The following TCN1 variants were observed in gnomAD, a reference collection of about 807,000 sequenced individuals.
TCN1 encodes the protein transcobalamin-1.
Under a neutral mutation model 46.3 loss-of-function variants are expected in TCN1, and 47 were observed. That is an observed-to-expected ratio of 1.01 (90% CI 0.80 to 1.29). The LOEUF is 1.29. Among genes scored for constraint, TCN1 ranks in the 50% most tolerant of loss-of-function variants. The pLI, the probability that TCN1 is intolerant of heterozygous loss-of-function variation, is 0.00. For missense variants in TCN1, 532 were observed against 511.0 expected, an observed-to-expected ratio of 1.04 and a Z score of -0.40; for synonymous variants, 183 against 192.5, an observed-to-expected ratio of 0.95 and a Z score of 0.41.
At chr11:59,863,883 C>A (rs369803818) in intron 2 of TCN1, 24 bp downstream of exon 2, 1 of 1,612,888 alleles carries the variant, frequency 6.2e-7, no homozygotes, top group Non-Finnish European at 8.5e-7. Flanking sequence ...TTTTCTAAAT[C>A]TTCCAGAATA....
In TCN1 at chr11:59,861,616, A is replaced by G; in HGVS notation, c.467T>C (p.Leu156Pro). ...GGCGGTTGAGTAGTTCCCATTGAAC[A>G]GACACAAGGCCAAAACGTCCAGGCT... is the stretch of plus-strand genomic sequence containing the variant. ...QLSLDVLALC[L>P]FNGNYSTAEV... The change falls in exon 4 of 9, where the codon CTG becomes CCG. Residue 156 changes from leucine (L) to proline (P), a missense_variant. Leu to Pro is a moderately conservative substitution (Grantham distance 98). Transcript: ENST00000257264. 7 of 1,614,182 alleles carry G rather than the reference A, an allele frequency of 4.3e-6. No homozygotes were observed. The highest frequency in any genetic ancestry group is 5.9e-6 in the Non-Finnish European group (7 of 1,179,994).
At position 59,853,261 on chromosome 11, in the gene TCN1, G is replaced by A; in HGVS notation, c.1182C>T (p.Ala394=). 1.2e-6 allele frequency: 2 copies of A among 1,613,968 alleles called. No homozygotes were observed. The highest frequency in any genetic ancestry group is 1.7e-6 in the Non-Finnish European group (2 of 1,179,992). ...CCCAGTAGGTTCTGTCATTATTGTT[G>A]GCACATAGGCCCTGAATACAGGTGA... ...PYITCIQGLC[A]NNNDRTYWEL... The change falls in exon 8 of 9, where the codon GCC becomes GCT. Residue 394 remains alanine (A), a synonymous_variant. Coordinates refer to ENST00000257264, the MANE Select transcript of TCN1 (RefSeq NM_001062.4).
rs766075020 is a variant in TCN1, at chr11:59,852,995, C to A, written c.1282G>T (p.Val428Phe). The change falls in exon 9 of 9, where the codon GTT (valine) becomes TTT (phenylalanine). Residue 428 changes from valine (V) to phenylalanine (F), a missense_variant. Physicochemically the swap from Val to Phe is conservative, Grantham distance 50. Transcript: ENST00000257264. ...YVVRNGENLE[V>F]RWSKY ...GCTTATTAGTATTTGCTCCAGCGAA[C>A]CTCCAAGTTTTCTCCATTGCGGACA... 5 of 1,613,992 alleles carry A rather than the reference C, an allele frequency of 3.1e-6. No individual in the cohort carries two copies. In the Admixed American group the frequency reaches 5.0e-5, roughly 16 times the overall value.
chr11:59,854,945 C>T lies in TCN1; in HGVS notation c.938-110G>A, dbSNP rs1046105653. On this transcript the variant is annotated intron_variant, in intron 6 of 8. Transcript: ENST00000257264. ...AGGACTCCTTGCCTTTATGCAGACA[C>T]GGATTTACTATAAGGAGCAATTATC... The T allele has an allele frequency of 7.4e-5, 87 of 1,172,632 alleles. No individual in the cohort carries two copies. The African/African-American group carries it at 9.9e-4, about 13-fold the overall frequency. 72.6% of individuals were successfully genotyped at this position (1,172,632 alleles called of 1,614,324 possible). A position where few individuals can be genotyped will look rare whatever the true frequency, so the allele number is the denominator to read the frequency against.
Position 59,861,542 on chromosome 11 carries a change from T to TA in TCN1, c.540dup (p.Ser181Ter). The TA allele has an allele frequency of 6.2e-7, 1 of 1,614,064 alleles. No individual in the cohort carries two copies. The highest frequency in any genetic ancestry group is 1.1e-5 in the South Asian group (1 of 91,080). On this transcript the variant is annotated frameshift_variant, in exon 4 of 9. Transcript: ENST00000257264. LOFTEE classifies it high-confidence loss of function. Reference sequence around the variant, plus strand: ...AGTAACTCACCTACTGAGAACTGGCTACCAAAATAATAGTTTTTATTTTCA... The same window carrying TA: ...AGTAACTCACCTACTGAGAACTGGCTAACCAAAATAATAGTTTTTATTTTCA...
chr11:59,858,405 A>C (rs974122359), intron 5 of TCN1, among the ~76,000 whole-genome samples: 1 of 152,212 alleles, frequency 6.6e-6, no homozygotes, highest in Non-Finnish European at 1.5e-5. Flanking sequence ...AACTGTGGAA[A>C]GTGAAATTGT....
chr11:59,858,343 C>T (rs1238944368), intron 5 of TCN1, among the ~76,000 whole-genome samples: 1 of 147,606 alleles, frequency 6.8e-6, no homozygotes, highest in Non-Finnish European at 1.5e-5. Context: ...TGCGTTATTT[C>T]TGAAATTTTC....
At chr11:59,858,362 A>G (rs112467298) in intron 5 of TCN1, among the ~76,000 whole-genome samples, 2 of 152,156 alleles carry the variant, frequency 1.3e-5, no homozygotes, top group South Asian at 2.1e-4. Context: ...TCCATTTAAT[A>G]TTTTCAAGCC....
At position 59,857,247 on chromosome 11, in the gene TCN1, G is replaced by A. The variant is rs181770282; in HGVS notation, c.748-1189C>T. 7.2e-5 allele frequency among the ~76,000 whole-genome samples: 11 copies of A among 152,236 alleles called. No homozygotes were observed. In the East Asian group the frequency reaches 2.1e-3, roughly 29 times the overall value. ...ACTGTGAATTTGTATCACCTGTAGG[G>A]CTTTTAAACCAGAGCAAGGCCCAGG... On this transcript the variant is annotated intron_variant, in intron 5 of 8. Coordinates refer to ENST00000257264, the MANE Select transcript of TCN1 (RefSeq NM_001062.4).
Position 59,859,064 on chromosome 11 carries a change from CCCTCTGACTTA to C in TCN1, c.747+2_747+12del. 10 of 1,611,746 alleles carry C rather than the reference CCCTCTGACTTA, an allele frequency of 6.2e-6. No homozygotes were observed. The highest frequency in any genetic ancestry group is 8.5e-6 in the Non-Finnish European group (10 of 1,179,828). On this transcript the variant is annotated splice_donor_variant and splice_donor_5th_base_variant and intron_variant, in intron 5 of 8. Transcript: ENST00000257264. LOFTEE classifies it high-confidence loss of function. The stretch of plus-strand genomic sequence containing the variant: ...ACTCCCTTCTCTGCCTCCTGTTTCA[CCCTCTGACTTA>C]CCTGCATGGCTTCTCCTGTGCTAAA...
At chr11:59,855,725 A>G in intron 6 of TCN1, 144 bp downstream of exon 6, 6 of 884,394 alleles carry the variant, frequency 6.8e-6, no homozygotes, top group Non-Finnish European at 1.1e-5. Context: ...CCCTGGTAAC[A>G]TGAGGAAAAC....
intron 1 of TCN1, 62 bp from the exon 2 acceptor site, chr11:59,864,148 G>T (rs1853047506): frequency 1.3e-6 from 2 of 1,559,474 alleles, no homozygotes; most frequent in Non-Finnish European, 1.8e-6. Context: ...ACTTGCAGCA[G>T]GGGTTATATA....
At position 59,866,408 on chromosome 11, in the gene TCN1, T is replaced by G; in HGVS notation, c.63A>C (p.Gln21His). The change falls in exon 1 of 9, where the codon CAA becomes CAC. Residue 21 changes from glutamine to histidine, a missense_variant. By Grantham distance (24) the Gln-to-His change is conservative. Coordinates refer to ENST00000257264, the MANE Select transcript of TCN1 (RefSeq NM_001062.4). ...TTTACTCACCACAAATCTCGCATAG[T>G]TGGCTTGGAATAAAAGAAAACAGTA... ...GLLLFSFIPSQLCEICEVSEE... is the reference protein window; with the variant it reads ...GLLLFSFIPSHLCEICEVSEE... 6.2e-7 allele frequency: 1 copy of G among 1,613,482 alleles called. No homozygotes were observed. Among genetic ancestry groups the G allele is most frequent in the Non-Finnish European group, 8.5e-7 (1 of 1,179,492 alleles).
At chr11:59,866,330 T>G (rs1590868566) in intron 1 of TCN1, 62 bp downstream of exon 1, 1 of 1,530,242 alleles carries the variant, frequency 6.5e-7, no homozygotes, top group East Asian at 2.2e-5. Context: ...ACATAGAGTC[T>G]CTTGTCAACA....
chr11:59,855,824 G>A, intron 6 of TCN1, 45 bp downstream of exon 6: 1 of 1,603,772 alleles, frequency 6.2e-7, no homozygotes, highest in Non-Finnish European at 8.5e-7. Context: ...TGCTTTGGGT[G>A]CTATGGTGAA....
In TCN1 at chr11:59,861,567, A is replaced by G. The variant is rs1853014453; in HGVS notation, c.516T>C (p.Pro172=). Residue 172 remains proline, a synonymous_variant, in exon 4 of 9, where the codon CCT becomes CCC. Transcript: ENST00000257264. ...TACCAAAATAATAGTTTTTATTTTC[A>G]GGAGTGAAGTGGTTGACAACTTCGG... ...STAEVVNHFT[P]ENKNYYFGSQ... The G allele has an allele frequency of 6.2e-7, 1 of 1,614,040 alleles. No individual in the cohort carries two copies. The highest frequency in any genetic ancestry group is 1.1e-5 in the South Asian group (1 of 91,086).
rs780924973 is a variant in TCN1, at chr11:59,854,731, T to C, written c.1042A>G (p.Thr348Ala). 6.2e-7 allele frequency: 1 copy of C among 1,614,076 alleles called. No individual in the cohort carries two copies. Among genetic ancestry groups the C allele is most frequent in the Non-Finnish European group, 8.5e-7 (1 of 1,179,934 alleles). The change falls in exon 7 of 9, where the codon ACC (threonine) becomes GCC (alanine). Residue 348 changes from threonine (T) to alanine (A), a missense_variant. By Grantham distance (58) the Thr-to-Ala change is moderately conservative (BLOSUM62 0). Coordinates refer to ENST00000257264, the MANE Select transcript of TCN1 (RefSeq NM_001062.4). ...YSVRINETYF[T>A]NVTVLNGSVF... ...GAACCATTTAGCACAGTGACATTGG[T>C]GAAATATGTTTCATTGATTCTCACA...
At chr11:59,860,116 TTTTG>T (rs1429636455) in intron 4 of TCN1, among the ~76,000 whole-genome samples, 7 of 152,048 alleles carry the variant, frequency 4.6e-5, no homozygotes, top group Non-Finnish European at 7.4e-5. Context: ...CTGGAGTGTT[TTTTG>T]TTTGTTTGTT....
At chr11:59,853,116 C>T (rs1365469755) in intron 8 of TCN1, 80 bp from the exon 9 acceptor site, 5 of 1,597,336 alleles carry the variant, frequency 3.1e-6, no homozygotes, top group Non-Finnish European at 4.3e-6. Flanking sequence ...TCTCTACTAA[C>T]CCCTTGGCCC....
Sources: allele counts gnomAD v4.1 joint callset (sites outside exome capture counted in the v4.1 genomes callset), GRCh38; gene constraint gnomAD v4.1.1; transcripts MANE v1.5; gene names NCBI Gene and HGNC (gene_info 2026-07-23, HGNC 2026-07-21).